Variants in UBE2E2 observed in about 807,000 individuals in gnomAD.
UBE2E2 encodes the protein ubiquitin-conjugating enzyme E2 E2.
A neutral mutation model predicts 24.7 loss-of-function variants in UBE2E2; 6 were observed. The observed-to-expected ratio is 0.24, with a 90% CI of 0.13 to 0.48. The LOEUF (loss-of-function observed/expected upper bound fraction) is 0.48. Ranked by LOEUF, UBE2E2 falls within the 20% of genes least tolerant of loss-of-function variation. The probability of loss-of-function intolerance (pLI) is 0.99; values close to 1 mark genes in which losing one functional copy is unlikely to be tolerated. For missense variants in UBE2E2, 169 were observed against 245.0 expected, an observed-to-expected ratio of 0.69 and a Z score of 2.07; for synonymous variants, 104 against 83.6, an observed-to-expected ratio of 1.24 and a Z score of -1.33.
At chr3:23,384,617 A>C (rs986192698) in intron 3 of UBE2E2, among the ~76,000 whole-genome samples, 1 of 152,116 alleles carries the variant, frequency 6.6e-6, no homozygotes, top group Admixed American at 6.5e-5. Context: ...ATCTTGGCTC[A>C]CTGCAACCTC....
chr3:23,272,538 G>A (rs968848701), intron 3 of UBE2E2, among the ~76,000 whole-genome samples: 3 of 152,220 alleles, frequency 2.0e-5, no homozygotes, highest in African/African-American at 4.8e-5. Flanking sequence ...AGCGAGGGCC[G>A]CCAGCACGTT....
intron 3 of UBE2E2, among the ~76,000 whole-genome samples, chr3:23,229,523 A>G (rs1193986803): frequency 6.6e-6 from 1 of 152,156 alleles, no homozygotes; most frequent in Non-Finnish European, 1.5e-5. Flanking sequence ...GTAGTTTTGT[A>G]CAGCATTTTA....
chr3:23,481,457 G>A (rs1272275830), intron 3 of UBE2E2, among the ~76,000 whole-genome samples: 1 of 152,136 alleles, frequency 6.6e-6, no homozygotes, highest in Admixed American at 6.5e-5. Flanking sequence ...TATGTATATC[G>A]TAGTTGTACT....
At chr3:23,333,819 A>G (rs1695132909) in intron 3 of UBE2E2, among the ~76,000 whole-genome samples, 1 of 152,124 alleles carries the variant, frequency 6.6e-6, no homozygotes, top group South Asian at 2.1e-4. Context: ...TTTATGAGAG[A>G]TATATTAGTC....
At chr3:23,284,165 TATAATCTATA>T (rs1698553371) in intron 3 of UBE2E2, among the ~76,000 whole-genome samples, 1 of 152,184 alleles carries the variant, frequency 6.6e-6, no homozygotes, top group Non-Finnish European at 1.5e-5. Context: ...CTTGTCTCCC[TATAATCTATA>T]ATATTTCTAT....
At chr3:23,461,603 T>G (rs1414653011) in intron 3 of UBE2E2, among the ~76,000 whole-genome samples, 3 of 152,162 alleles carry the variant, frequency 2.0e-5, no homozygotes, top group Non-Finnish European at 4.4e-5. Context: ...TAGTATGATT[T>G]CCTTTATACA....
chr3:23,467,584 G>C (rs1698949184), intron 3 of UBE2E2, among the ~76,000 whole-genome samples: 1 of 152,176 alleles, frequency 6.6e-6, no homozygotes, highest in Non-Finnish European at 1.5e-5. Context: ...GGTTCCTGCA[G>C]TGTTGGACAG....
intron 5 of UBE2E2, among the ~76,000 whole-genome samples, chr3:23,532,952 G>A (rs1165388383): frequency 6.6e-6 from 1 of 152,030 alleles, no homozygotes; most frequent in Non-Finnish European, 1.5e-5. Flanking sequence ...ATTTTAGATG[G>A]GAAAGTACGT....
intron 3 of UBE2E2, among the ~76,000 whole-genome samples, chr3:23,341,999 C>T (rs1053617507): frequency 2.0e-5 from 3 of 152,140 alleles, no homozygotes; most frequent in Admixed American, 1.3e-4. Context: ...AGAGAACAAA[C>T]ATTTGTTGAT....
chr3:23,442,787 G>T (rs542052914), intron 3 of UBE2E2, among the ~76,000 whole-genome samples: 1 of 152,278 alleles, frequency 6.6e-6, no homozygotes, highest in South Asian at 2.1e-4. Flanking sequence ...AGATAAGGGG[G>T]CGTGGTTACT....
chr3:23,246,387 ATTTTTTT>A (rs35802594), intron 3 of UBE2E2, among the ~76,000 whole-genome samples: 1,257 of 122,470 alleles, frequency 0.01, 9 homozygotes, highest in African/African-American at 0.02. Flanking sequence ...TGCCTGGCTA[ATTTTTTT>A]TTTTTTTTTT....
chr3:23,527,152 CAT>C (rs901243868), intron 4 of UBE2E2, among the ~76,000 whole-genome samples: 4 of 152,060 alleles, frequency 2.6e-5, no homozygotes, highest in African/African-American at 9.7e-5. Flanking sequence ...TATAATGAAA[CAT>C]AGTGATAACA....
chr3:23,298,714 A>G (rs1404035089), intron 3 of UBE2E2, among the ~76,000 whole-genome samples: 2 of 151,778 alleles, frequency 1.3e-5, no homozygotes, highest in Admixed American at 6.6e-5. Flanking sequence ...GGATTTTTGC[A>G]TCAATGTTCA....
At chr3:23,387,769 A>C (rs1200052522) in intron 3 of UBE2E2, among the ~76,000 whole-genome samples, 1 of 152,224 alleles carries the variant, frequency 6.6e-6, no homozygotes, top group Non-Finnish European at 1.5e-5. Flanking sequence ...CAGAGGTTTC[A>C]GTCCTTGTTA....
intron 3 of UBE2E2, among the ~76,000 whole-genome samples, chr3:23,243,940 A>G (rs1697319897): frequency 6.6e-6 from 1 of 151,890 alleles, no homozygotes; most frequent in African/African-American, 2.4e-5. Flanking sequence ...TCATTTTCAC[A>G]CTCGGGAGTT....
At chr3:23,571,265 C>T (rs965445012) in intron 5 of UBE2E2, among the ~76,000 whole-genome samples, 1 of 67,632 alleles carries the variant, frequency 1.5e-5, no homozygotes, top group Non-Finnish European at 3.6e-5. Flanking sequence ...AGTCCCCTCA[C>T]CTGTGTGCTC....
chr3:23,237,840 A>G (rs140847468), intron 3 of UBE2E2, among the ~76,000 whole-genome samples: 223 of 152,304 alleles, frequency 1.5e-3, no homozygotes, highest in African/African-American at 5.0e-3. Context: ...ATGCTTTACA[A>G]TGCAATTTCT....
intron 3 of UBE2E2, among the ~76,000 whole-genome samples, chr3:23,384,287 C>A (rs905515276): frequency 6.6e-6 from 1 of 152,120 alleles, no homozygotes; most frequent in South Asian, 2.1e-4. Context: ...CTCAGCCTCC[C>A]GAGTAGCTGG....
intron 3 of UBE2E2, among the ~76,000 whole-genome samples, chr3:23,417,176 A>G (rs1399666383): frequency 6.6e-6 from 1 of 152,162 alleles, no homozygotes; most frequent in African/African-American, 2.4e-5. Flanking sequence ...GTTTTTCCTC[A>G]TCTTCGTGGA....
Sources: gnomAD v4.1 joint callset for allele counts (sites outside exome capture counted in the v4.1 genomes callset) on GRCh38, gnomAD v4.1.1 for gene constraint, MANE v1.5 for transcripts, NCBI Gene and HGNC (gene_info 2026-07-23, HGNC 2026-07-21) for gene names.